Variants in DEK observed in about 807,000 individuals in gnomAD.
DEK encodes protein DEK.
In DEK, 28 loss-of-function variants were observed where a neutral mutation model predicts 46.8. The ratio of observed to expected loss-of-function variants is 0.60; its 90% CI spans 0.44 to 0.82. The LOEUF is 0.82. Ranked by LOEUF, DEK falls within the 40% of genes least tolerant of loss-of-function variation. The pLI is 0.00. For missense variants in DEK, 416 were observed against 430.6 expected (o/e 0.97, Z 0.30); for synonymous variants, 160 against 144.5 (o/e 1.11, Z -0.77).
Position 18,263,846 on chromosome 6 carries a change from T to TTTC in DEK, c.139_141dup (p.Glu47dup). The TTTC allele has an allele frequency of 6.2e-7, 1 of 1,611,964 alleles. No individual in the cohort carries two copies. The highest frequency in any genetic ancestry group is 1.1e-5 in the South Asian group (1 of 90,750). The stretch of plus-strand genomic sequence containing the variant: ...GTTGGGATGCGACTCCCCCCACCTT[T>TTTC]TTCCTCCTCCTCCTCCTCCTCGTCG... On this transcript the variant is annotated inframe_insertion, in exon 2 of 11. Coordinates refer to ENST00000652689, the MANE Select transcript of DEK (RefSeq NM_003472.4).
intron 9 of DEK, among the ~76,000 whole-genome samples, chr6:18,230,167 C>G (rs1259134071): frequency 2.0e-5 from 3 of 152,110 alleles, no homozygotes; most frequent in African/African-American, 7.2e-5. Context: ...CCTTTACAGA[C>G]AAGCAAATGC....
chr6:18,259,430 A>AAAAT lies in DEK; in HGVS notation c.146-1029_146-1026dup, dbSNP rs1554162687. ...AAAAAAAAAAAAAAAAAAAAAAAAA[A>AAAAT]AAATCTAGAAAACAGGTAGCATATA... On this transcript the variant is annotated intron_variant, in intron 2 of 10. Transcript: ENST00000652689. Among the ~76,000 whole-genome samples, 28 of 96,842 alleles carry AAAAT rather than the reference A, an allele frequency of 2.9e-4. 4 individuals carry two copies. The highest frequency in any genetic ancestry group is 8.9e-4 in the South Asian group (3 of 3,386). 63.5% of individuals were successfully genotyped at this position (96,842 alleles called of 152,430 possible). A position where few individuals can be genotyped will look rare whatever the true frequency, so the allele number is the denominator to read the frequency against.
chr6:18,254,019 CA>C (rs1389378069), intron 6 of DEK, among the ~76,000 whole-genome samples: 1 of 151,178 alleles, frequency 6.6e-6, no homozygotes, highest in Non-Finnish European at 1.5e-5. Flanking sequence ...AGATTTTAAA[CA>C]AAACAATACA....
chr6:18,244,683 T>C lies in DEK; in HGVS notation c.762+4968A>G. 3 of 627,884 alleles carry C rather than the reference T, an allele frequency of 4.8e-6. No homozygotes were observed. In the South Asian group the frequency reaches 5.3e-5, roughly 11 times the overall value. 38.9% of individuals were successfully genotyped at this position (627,884 alleles called of 1,614,324 possible). On this transcript the variant is annotated intron_variant, in intron 7 of 10. Transcript: ENST00000652689. ...ACAATTTGGCTGAGAAAACTCAGAA[T>C]GCCAAGAGGAAAGAATGTGCAAGTC... is the stretch of plus-strand genomic sequence containing the variant.
intron 6 of DEK, among the ~76,000 whole-genome samples, chr6:18,254,881 G>GTT (rs1443378982): frequency 6.6e-6 from 1 of 152,150 alleles, no homozygotes; most frequent in African/African-American, 2.4e-5. Flanking sequence ...TTTAACTGCT[G>GTT]TTTATCTGTC....
At position 18,236,510 on chromosome 6, in the gene DEK, T is replaced by C; in HGVS notation, c.989A>G (p.Lys330Arg). Residue 330 changes from lysine (K) to arginine (R), a missense_variant, in exon 9 of 11, where the codon AAG becomes AGG. Lys to Arg is a conservative substitution (Grantham distance 26, BLOSUM62 2). Transcript: ENST00000652689. Reference sequence around the variant, plus strand: ...CAAGTTAGCACTGGCCAGTAATTTCTTTATTGTTTCCTTTAACTCTTCATC... The same window carrying C: ...CAAGTTAGCACTGGCCAGTAATTTCCTTATTGTTTCCTTTAACTCTTCATC... ...PTDEELKETI[K>R]KLLASANLEE... 6.2e-7 allele frequency: 1 copy of C among 1,606,888 alleles called. No homozygotes were observed. The highest frequency in any genetic ancestry group is 1.1e-5 in the South Asian group (1 of 89,496).
chr6:18,260,983 T>G (rs1214606074), intron 2 of DEK, among the ~76,000 whole-genome samples: 2 of 103,426 alleles, frequency 1.9e-5, no homozygotes, highest in South Asian at 3.1e-4. Context: ...AGACCTTGTC[T>G]CCAAAAAAAA....
intron 9 of DEK, among the ~76,000 whole-genome samples, chr6:18,232,826 C>A (rs545157930): frequency 6.6e-6 from 1 of 152,172 alleles, no homozygotes. Flanking sequence ...CTACCAATCA[C>A]TTTCTTCATA....
chr6:18,234,522 T>TC (rs1790565745), intron 9 of DEK, among the ~76,000 whole-genome samples: 2 of 152,040 alleles, frequency 1.3e-5, no homozygotes, highest in Non-Finnish European at 2.9e-5. Context: ...CAAAGGCTCC[T>TC]CCCCCTGGAG....
intron 6 of DEK, among the ~76,000 whole-genome samples, chr6:18,250,404 G>A (rs1484860100): frequency 6.6e-6 from 1 of 151,974 alleles, no homozygotes; most frequent in South Asian, 2.1e-4. Flanking sequence ...AGGAGGCAGA[G>A]TTTGCAGTGA....
chr6:18,259,372 G>T (rs1791742327), intron 2 of DEK, among the ~76,000 whole-genome samples: 1 of 108,860 alleles, frequency 9.2e-6, no homozygotes, highest in African/African-American at 3.6e-5. Flanking sequence ...CTCAGCCTGG[G>T]CGACACAGCA....
chr6:18,247,205 G>C (rs576851874), intron 7 of DEK, among the ~76,000 whole-genome samples: 1 of 152,030 alleles, frequency 6.6e-6, no homozygotes, highest in East Asian at 1.9e-4. Context: ...AACTGAATCA[G>C]CAATAAAAAG....
At chr6:18,228,961 G>A (rs1465517412) in intron 9 of DEK, among the ~76,000 whole-genome samples, 1 of 152,174 alleles carries the variant, frequency 6.6e-6, no homozygotes, top group Non-Finnish European at 1.5e-5. Context: ...CCTCAAGTGA[G>A]TCCCTGTCCC....
intron 6 of DEK, among the ~76,000 whole-genome samples, chr6:18,254,142 C>T (rs1791506463): frequency 6.6e-6 from 1 of 152,146 alleles, no homozygotes; most frequent in Non-Finnish European, 1.5e-5. Flanking sequence ...ACCAGCCTGG[C>T]CAACATGGCA....
intron 9 of DEK, among the ~76,000 whole-genome samples, chr6:18,232,634 C>T (rs907735391): frequency 6.6e-6 from 1 of 152,028 alleles, no homozygotes; most frequent in Non-Finnish European, 1.5e-5. Context: ...ATTAAAATAC[C>T]TAGGAATCCA....
intron 6 of DEK, among the ~76,000 whole-genome samples, chr6:18,252,253 T>C (rs1366853464): frequency 2.6e-5 from 4 of 152,186 alleles, no homozygotes; most frequent in African/African-American, 9.6e-5. Flanking sequence ...CTCATGCCTG[T>C]AATCCCAACA....
intron 7 of DEK, among the ~76,000 whole-genome samples, chr6:18,246,770 T>C (rs367979787): frequency 7.0e-4 from 107 of 152,324 alleles, no homozygotes; most frequent in African/African-American, 2.5e-3. Flanking sequence ...TATATTTGAC[T>C]ATACAGTTCA....
chr6:18,242,927 C>T lies in DEK; in HGVS notation c.763-5411G>A, dbSNP rs1258467974. Among the ~76,000 whole-genome samples the T allele has an allele frequency of 2.6e-5, 4 of 152,136 alleles. No homozygotes were observed. In the South Asian group the frequency reaches 6.2e-4, roughly 24 times the overall value. On this transcript the variant is annotated intron_variant, in intron 7 of 10. Coordinates refer to ENST00000652689, the MANE Select transcript of DEK (RefSeq NM_003472.4). ...GGCTCTGCTGTCAAACCTCAAACTG[C>T]GAAAGTTATGGCCACAGTGCAGGAT...
At chr6:18,248,777 T>A (rs1343806912) in intron 7 of DEK, among the ~76,000 whole-genome samples, 1 of 152,142 alleles carries the variant, frequency 6.6e-6, no homozygotes, top group Admixed American at 6.5e-5. Flanking sequence ...CCAGGGACAT[T>A]TGACAATGTC....
Sources: gnomAD v4.1 joint callset for allele counts (sites outside exome capture counted in the v4.1 genomes callset) on GRCh38, gnomAD v4.1.1 for gene constraint, MANE v1.5 for transcripts, NCBI Gene and HGNC (gene_info 2026-07-23, HGNC 2026-07-21) for gene names.